ACSS1: variants seen among roughly 807,000 people sequenced by gnomAD.
ACSS1 encodes acyl-CoA synthetase short chain family member 1, also known as acetyl-coenzyme A synthetase 2-like, mitochondrial.
Under a neutral mutation model 75.3 loss-of-function variants are expected in ACSS1, and 42 were observed. That is an observed-to-expected ratio of 0.56 (90% CI 0.44 to 0.72). ACSS1 has a LOEUF of 0.72. ACSS1 is among the 30% of genes least tolerant of loss of function. The pLI is 0.00. For synonymous variants in ACSS1, 380 were observed against 376.8 expected (o/e 1.01, Z -0.10); for missense variants, 782 against 935.7 (o/e 0.84, Z 2.14).
rs1160764969 is a variant in ACSS1, at chr20:25,057,794, G to A, written c.309C>T (p.Phe103=). The change falls in exon 1 of 14, where the codon TTC becomes TTT. Residue 103 remains phenylalanine, a synonymous_variant. Coordinates refer to ENST00000323482, the MANE Select transcript of ACSS1 (RefSeq NM_032501.4). Reference sequence around the variant, plus strand: ...CAGAGACATTTAACTGGCCTCCCAGGAACCAGCCGATCTTGCCAGTGCTGA... The same window carrying A: ...CAGAGACATTTAACTGGCCTCCCAGAAACCAGCCGATCTTGCCAGTGCTGA... ...CDFSTGKIGW[F]LGGQLNVSVN... 3 of 1,592,524 alleles carry A rather than the reference G, an allele frequency of 1.9e-6. No individual in the cohort carries two copies. Among genetic ancestry groups the A allele is most frequent in the Non-Finnish European group, 2.6e-6 (3 of 1,164,532 alleles).
At chr20:25,019,422 C>T (rs1405333267) in intron 7 of ACSS1, among the ~76,000 whole-genome samples, 1 of 152,262 alleles carries the variant, frequency 6.6e-6, no homozygotes, top group Non-Finnish European at 1.5e-5. Context: ...TCTACAGTAA[C>T]AGCAGGGCAA....
chr20:25,047,730 C>G (rs1298108305), intron 2 of ACSS1, among the ~76,000 whole-genome samples: 2 of 152,128 alleles, frequency 1.3e-5, no homozygotes, highest in African/African-American at 2.4e-5. Context: ...TTGGGGAAGG[C>G]CAGTGCAGAC....
chr20:25,039,824 T>C (rs1349235145), intron 2 of ACSS1, among the ~76,000 whole-genome samples: 1 of 152,272 alleles, frequency 6.6e-6, no homozygotes, highest in Non-Finnish European at 1.5e-5. Flanking sequence ...CACTTGGCCT[T>C]TGGCCCAAGT....
chr20:25,033,147 C>CACAGCAGGGA lies in ACSS1; in HGVS notation c.432-2190_432-2189insTCCCTGCTGT, dbSNP rs11087495. Among the ~76,000 whole-genome samples the CACAGCAGGGA allele has an allele frequency of 2.7e-3, 418 of 152,058 alleles. 2 individuals are homozygous for CACAGCAGGGA. Among genetic ancestry groups the CACAGCAGGGA allele is most frequent in the African/African-American group, 9.9e-3 (410 of 41,420 alleles). On this transcript the variant is annotated intron_variant, in intron 2 of 13. Coordinates refer to ENST00000323482, the MANE Select transcript of ACSS1 (RefSeq NM_032501.4). ...ACCGGCTGAAGAGGGAGCCGTGGTC[C>CACAGCAGGGA]AGAGTCACTCAACATCTTCAGCCAG... is the stretch of plus-strand genomic sequence containing the variant.
At position 25,007,819 on chromosome 20, in the gene ACSS1, G is replaced by A. The variant is rs755229997; in HGVS notation, c.2013C>T (p.Ile671=). The A allele has an allele frequency of 4.8e-5, 78 of 1,614,080 alleles. No individual in the cohort carries two copies. Among genetic ancestry groups the A allele is most frequent in the Middle Eastern group, 3.3e-4 (2 of 6,082 alleles). Residue 671 remains isoleucine, a synonymous_variant, in exon 14 of 14, where the codon ATC becomes ATT. Transcript: ENST00000323482. The part of the protein sequence containing the change: ...DTTTLEDPSI[I]AEILSVYQKC... ...TCTGGTAGACACTCAGGATCTCTGC[G>A]ATGATGCTGGGGTCCTCCAAGGTGG...
intron 7 of ACSS1, among the ~76,000 whole-genome samples, chr20:25,018,932 T>C (rs1463998593): frequency 2.0e-5 from 3 of 152,184 alleles, no homozygotes; most frequent in Non-Finnish European, 4.4e-5. Context: ...CGCCACCCTG[T>C]AGGTAGGTCT....
chr20:25,023,622 G>A lies in ACSS1; in HGVS notation c.651C>T (p.Ile217=). 1.2e-6 allele frequency: 2 copies of A among 1,608,550 alleles called. No homozygotes were observed. Among genetic ancestry groups the A allele is most frequent in the Non-Finnish European group, 1.7e-6 (2 of 1,177,000 alleles). ...RINDAKCKVV[I]TFNQGLRGGR... The stretch of plus-strand genomic sequence containing the variant: ...CACCCCGGAGTCCTTGGTTGAAGGT[G>A]ATAACCACCTTGCACTTGGCTAACA... Residue 217 remains isoleucine, a synonymous_variant, in exon 4 of 14, where the codon ATC becomes ATT. Coordinates refer to ENST00000323482, the MANE Select transcript of ACSS1 (RefSeq NM_032501.4).
Position 25,007,902 on chromosome 20 carries a change from T to C in ACSS1, c.1930A>G (p.Met644Val). 6.2e-7 allele frequency: 1 copy of C among 1,614,242 alleles called. No homozygotes were observed. Among genetic ancestry groups the C allele is most frequent in the African/African-American group, 1.3e-5 (1 of 75,054 alleles). The change falls in exon 14 of 14, where the codon ATG becomes GTG. Residue 644 changes from methionine (M) to valine (V), a missense_variant. Physicochemically the swap from Met to Val is conservative, Grantham distance 21. Transcript: ENST00000323482. ...ATGATCTTCCTCAGGAGCCGCCGCA[T>C]GACCTTCCCAGACCTGGTTTTTGGA... ...RLPKTRSGKVMRRLLRKIITS... is the reference protein window; with the variant it reads ...RLPKTRSGKVVRRLLRKIITS...
intron 6 of ACSS1, among the ~76,000 whole-genome samples, chr20:25,020,361 C>T (rs914817982): frequency 1.3e-5 from 2 of 152,072 alleles, no homozygotes; most frequent in African/African-American, 4.8e-5. Flanking sequence ...CAAGCACTCC[C>T]CAGATCCATG....
chr20:25,013,466 A>C lies in ACSS1; in HGVS notation c.1579+70T>G. On this transcript the variant is annotated intron_variant, in intron 10 of 13. Coordinates refer to ENST00000323482, the MANE Select transcript of ACSS1 (RefSeq NM_032501.4). ...ACGCTGCACTCAAATCCCATTAAAAATGTTTTCTGAGAATAAGATTCCAGC... is the reference window on the plus strand; with the variant it reads ...ACGCTGCACTCAAATCCCATTAAAACTGTTTTCTGAGAATAAGATTCCAGC... The C allele has an allele frequency of 3.9e-6, 6 of 1,528,526 alleles. No homozygotes were observed. In the Admixed American group the frequency reaches 6.1e-5, roughly 16 times the overall value. The allele number at this position is 1,528,526 out of a possible 1,614,324, so 94.7% of individuals were successfully genotyped here.
chr20:25,022,859 G>A (rs913266522), intron 5 of ACSS1, 81 bp downstream of exon 5: 75 of 1,472,864 alleles, frequency 5.1e-5, no homozygotes, highest in Non-Finnish European at 6.5e-5. Context: ...TACAGGCCTC[G>A]CTCTGCAGCA....
intron 2 of ACSS1, among the ~76,000 whole-genome samples, chr20:25,032,179 T>C (rs1401297782): frequency 1.3e-5 from 2 of 152,214 alleles, no homozygotes; most frequent in African/African-American, 4.8e-5. Flanking sequence ...CCTATGTCTA[T>C]GGTGTGCGCA....
rs1339112297 is a variant in ACSS1 at position 25,046,979 on chromosome 20, G to A, written c.431+1106C>T. The A allele has an allele frequency of 2.6e-6, 2 of 773,032 alleles. 1 individual carries two copies. Among genetic ancestry groups the A allele is most frequent in the South Asian group, 2.7e-5 (2 of 73,814 alleles). 47.9% of individuals were successfully genotyped at this position (773,032 alleles called of 1,614,324 possible). A position where few individuals can be genotyped will look rare whatever the true frequency, so the allele number is the denominator to read the frequency against. On this transcript the variant is annotated intron_variant, in intron 2 of 13. Transcript: ENST00000323482. Reference sequence around the variant, plus strand: ...GCTGGTGGAGCTGTGATGGGCCTGAGGGCTCCTGGGGGCCGAGGGGAGGAA... The same window carrying A: ...GCTGGTGGAGCTGTGATGGGCCTGAAGGCTCCTGGGGGCCGAGGGGAGGAA...
Position 25,007,939 on chromosome 20 carries a change from C to T in ACSS1, c.1893G>A (p.Val631=), listed in dbSNP as rs1452824444. Residue 631 remains valine, a splice_region_variant and synonymous_variant, in exon 14 of 14, where the codon GTG becomes GTA. Transcript: ENST00000323482. ...ACCTGGTTTTTGGAAGACGTTTCAC[C>T]ACCTGGCAAGGAACAGGCACAGTGT... is the stretch of plus-strand genomic sequence containing the variant. ...AKYAVPDEIL[V]VKRLPKTRSG... The T allele has an allele frequency of 1.2e-6, 2 of 1,613,946 alleles. No individual in the cohort carries two copies. The highest frequency in any genetic ancestry group is 4.5e-5 in the East Asian group (2 of 44,886).
intron 2 of ACSS1, among the ~76,000 whole-genome samples, chr20:25,045,445 C>T (rs780552723): frequency 2.1e-4 from 32 of 152,346 alleles, no homozygotes; most frequent in Admixed American, 3.9e-4. Context: ...GGACCAGAGT[C>T]GGGAGGTTTC....
chr20:25,010,808 GCAAGGCTCAGGACACTGGAGA>G (rs1201933321), intron 12 of ACSS1: 1 of 152,408 alleles, frequency 6.6e-6, no homozygotes, highest in African/African-American at 2.4e-5. Flanking sequence ...GACGAGGCAG[GCAAGGCTCAGGACACTGGAGA>G]CAAGAGAGAC....
At chr20:25,016,142 G>C (rs1264535917) in intron 7 of ACSS1, among the ~76,000 whole-genome samples, 2 of 152,174 alleles carry the variant, frequency 1.3e-5, no homozygotes, top group East Asian at 3.9e-4. Context: ...AGCGGCACTG[G>C]TGAGTCTGAA....
intron 3 of ACSS1, among the ~76,000 whole-genome samples, chr20:25,028,703 C>T (rs999996737): frequency 3.9e-5 from 6 of 152,266 alleles, no homozygotes; most frequent in African/African-American, 7.2e-5. Flanking sequence ...GGGCGGATCA[C>T]GAGGTCAAGA....
intron 1 of ACSS1, among the ~76,000 whole-genome samples, chr20:25,053,209 A>G (rs2089200039): frequency 6.7e-6 from 1 of 149,886 alleles, no homozygotes. Flanking sequence ...GACTACAGGT[A>G]TGCACCACCA....
Sources: gnomAD v4.1 joint callset for allele counts (sites outside exome capture counted in the v4.1 genomes callset) on GRCh38, gnomAD v4.1.1 for gene constraint, MANE v1.5 for transcripts, NCBI Gene and HGNC (gene_info 2026-07-23, HGNC 2026-07-21) for gene names.